The following HMCN1 variants were observed in gnomAD, a reference collection of about 807,000 sequenced individuals.
HMCN1 encodes hemicentin-1.
A neutral mutation model predicts 625.9 loss-of-function variants in HMCN1; 321 were observed. The observed-to-expected ratio is 0.51, with a 90% CI of 0.47 to 0.56. The LOEUF is 0.56. Ranked by LOEUF, HMCN1 falls within the 20% of genes least tolerant of loss-of-function variation. The pLI, the probability that HMCN1 is intolerant of heterozygous loss-of-function variation, is 0.00. For synonymous variants in HMCN1, 2,425 were observed against 2,417.6 expected, an observed-to-expected ratio of 1.00 and a Z score of -0.09; for missense variants, 6,588 against 6,887.3, an observed-to-expected ratio of 0.96 and a Z score of 1.54.
chr1:186,155,385 G>C (rs990384369), intron 97 of HMCN1, among the ~76,000 whole-genome samples: 1 of 152,054 alleles, frequency 6.6e-6, no homozygotes, highest in South Asian at 2.1e-4. Context: ...TTGAACAAAA[G>C]AAACGAGCTG....
Position 186,087,231 on chromosome 1 carries a change from C to T in HMCN1, c.9061C>T (p.Gln3021Ter). ...TLIVPGGRTL[Q>*]IIRAKVSDGG... ...TTTACCTACAGGTGGTCGAACTCTA[C>T]AGATTATTCGGGCCAAGGTATCAGA... Residue 3021 changes from glutamine (Q) to a stop codon, truncating the protein, a stop_gained, in exon 59 of 107, where the codon CAG (glutamine) becomes TAG (stop). Coordinates refer to ENST00000271588, the MANE Select transcript of HMCN1 (RefSeq NM_031935.3). LOFTEE classifies it high-confidence loss of function. 3.1e-6 allele frequency: 5 copies of T among 1,611,564 alleles called. No homozygotes were observed. The highest frequency in any genetic ancestry group is 4.2e-6 in the Non-Finnish European group (5 of 1,177,988).
chr1:186,057,168 G>T, intron 45 of HMCN1, 66 bp from the exon 46 acceptor site: 1 of 1,227,374 alleles, frequency 8.1e-7, no homozygotes. Flanking sequence ...TACAACATCA[G>T]GTATATCAAA....
At position 185,734,897 on chromosome 1, in the gene HMCN1, TCCA is replaced by T; in HGVS notation, c.120_122del (p.Thr41del). ...AGCTGAGGAAATTCCCGAGGGGGCC[TCCA>T]CGTTGGCTTTTGTGTTTGATGTGAC... On this transcript the variant is annotated inframe_deletion, in exon 1 of 107. Coordinates refer to ENST00000271588, the MANE Select transcript of HMCN1 (RefSeq NM_031935.3). 6.2e-7 allele frequency: 1 copy of T among 1,614,196 alleles called. No individual in the cohort carries two copies. The highest frequency in any genetic ancestry group is 8.5e-7 in the Non-Finnish European group (1 of 1,180,022).
intron 4 of HMCN1, among the ~76,000 whole-genome samples, chr1:185,898,919 A>G (rs1364133026): frequency 6.6e-6 from 1 of 151,996 alleles, no homozygotes; most frequent in East Asian, 1.9e-4. Context: ...GATGATTGCC[A>G]TTTGATTGGT....
rs1659802040 is a variant in HMCN1, at chr1:186,090,874, A to G, written c.9844A>G (p.Lys3282Glu). 6.2e-7 allele frequency: 1 copy of G among 1,612,328 alleles called. No individual in the cohort carries two copies. Among genetic ancestry groups the G allele is most frequent in the Admixed American group, 1.7e-5 (1 of 59,812 alleles). ...GIPTPLIQWL[K>E]DGKPIASGET... is the part of the protein sequence containing the mutation. ...TCCTACTCCACTTATTCAATGGCTT[A>G]AAGATGGAAAGCCCATAGCTAGTGG... is the stretch of plus-strand genomic sequence containing the variant. Residue 3282 changes from lysine to glutamate, a missense_variant, in exon 64 of 107, where the codon AAA becomes GAA. Transcript: ENST00000271588.
intron 102 of HMCN1, among the ~76,000 whole-genome samples, chr1:186,173,555 C>T (rs887647659): frequency 2.1e-5 from 3 of 145,730 alleles, no homozygotes; most frequent in South Asian, 4.3e-4. Flanking sequence ...GTGGGAGGAT[C>T]GTTTGAACCC....
intron 44 of HMCN1, 28 bp downstream of exon 44, chr1:186,054,014 C>G: frequency 6.2e-7 from 1 of 1,604,126 alleles, no homozygotes; most frequent in Non-Finnish European, 8.5e-7. Context: ...CAGGCTTTGG[C>G]AAAATGTTCT....
intron 1 of HMCN1, among the ~76,000 whole-genome samples, chr1:185,820,988 A>G (rs1217709732): frequency 6.6e-6 from 1 of 152,006 alleles, no homozygotes; most frequent in Non-Finnish European, 1.5e-5. Context: ...TAGAAATCAG[A>G]CACCTTTATT....
At chr1:186,015,464 T>A (rs1416230356) in intron 31 of HMCN1, 27 bp downstream of exon 31, 3 of 1,601,320 alleles carry the variant, frequency 1.9e-6, no homozygotes, top group Non-Finnish European at 2.6e-6. Context: ...GCTTTAATTA[T>A]ATACCTTTCT....
At chr1:185,910,193 A>AT (rs200028141) in intron 5 of HMCN1, among the ~76,000 whole-genome samples, 3,235 of 152,032 alleles carry the variant, frequency 0.021, 65 homozygotes, top group Middle Eastern at 0.097. Flanking sequence ...CTTTAGTTGC[A>AT]TTTTTTTCTC....
chr1:186,049,860 T>C lies in HMCN1; in HGVS notation c.6577+1021T>C, dbSNP rs575686505. 1.1e-4 allele frequency among the ~76,000 whole-genome samples: 16 copies of C among 152,028 alleles called. No individual in the cohort carries two copies. In the East Asian group the frequency reaches 3.1e-3, roughly 29 times the overall value. On this transcript the variant is annotated intron_variant, in intron 42 of 106. Transcript: ENST00000271588. The stretch of plus-strand genomic sequence containing the variant: ...ATAAATGAGTATCATCTTTTAAAAA[T>C]CCTTCAGGCAGGTTATGAGAAATGC...
intron 42 of HMCN1, among the ~76,000 whole-genome samples, chr1:186,051,228 G>T (rs1037815719): frequency 1.3e-5 from 2 of 151,998 alleles, no homozygotes; most frequent in Non-Finnish European, 2.9e-5. Flanking sequence ...AAGAAGGACC[G>T]GATGCTCAGG....
intron 1 of HMCN1, among the ~76,000 whole-genome samples, chr1:185,827,036 C>T (rs1001792901): frequency 4.0e-5 from 6 of 151,478 alleles, no homozygotes; most frequent in East Asian, 1.9e-4. Context: ...ATTGGCTGGG[C>T]GTGGTAGCGC....
At chr1:185,946,178 C>T (rs1668332984) in intron 11 of HMCN1, among the ~76,000 whole-genome samples, 1 of 152,128 alleles carries the variant, frequency 6.6e-6, no homozygotes, top group Non-Finnish European at 1.5e-5. Flanking sequence ...TGGTTGCTTC[C>T]CTGATAGATA....
rs1667321552 is a variant in HMCN1 at position 185,927,190 on chromosome 1, TTAAG to T, written c.1431-1353_1431-1350del. Among the ~76,000 whole-genome samples the T allele has an allele frequency of 3.3e-5, 5 of 152,202 alleles. No homozygotes were observed. The South Asian group carries it at 8.3e-4, about 25-fold the overall frequency. Reference sequence around the variant, plus strand: ...ATGAATTCTAATGTATGCTCAGCTTTTAAGTAGGCACTGAAGAAAACACCAAAGA... The same window carrying T: ...ATGAATTCTAATGTATGCTCAGCTTTTAGGCACTGAAGAAAACACCAAAGA... On this transcript the variant is annotated intron_variant, in intron 9 of 106. Transcript: ENST00000271588.
At chr1:185,885,903 T>A (rs1395543613) in intron 4 of HMCN1, among the ~76,000 whole-genome samples, 1 of 152,084 alleles carries the variant, frequency 6.6e-6, no homozygotes, top group Non-Finnish European at 1.5e-5. Context: ...AAGGAATGAT[T>A]CCATGGCATG....
At chr1:185,909,062 T>A (rs562467641) in intron 4 of HMCN1, among the ~76,000 whole-genome samples, 1 of 152,128 alleles carries the variant, frequency 6.6e-6, no homozygotes, top group Admixed American at 6.6e-5. Context: ...TCTGCATGTC[T>A]CCCCTCACTG....
rs1210083423 is a variant in HMCN1 at position 186,005,087 on chromosome 1, AT to A, written c.4475+1249del. On this transcript the variant is annotated intron_variant, in intron 29 of 106. Transcript: ENST00000271588. ...TTTTGTTTATAAATGTTTATAAATA[AT>A]TTTTTAATTGTTTAAATTGTTTATA... 2.0e-5 allele frequency among the ~76,000 whole-genome samples: 3 copies of A among 151,228 alleles called. No homozygotes were observed. In the South Asian group the frequency reaches 6.2e-4, roughly 31 times the overall value.
chr1:185,765,278 A>C (rs1487506386), intron 1 of HMCN1, among the ~76,000 whole-genome samples: 1 of 152,194 alleles, frequency 6.6e-6, no homozygotes, highest in Non-Finnish European at 1.5e-5. Context: ...AAAGTTACAA[A>C]GAGGTGATAC....
Sources: gnomAD v4.1 joint callset for allele counts (sites outside exome capture counted in the v4.1 genomes callset) on GRCh38, gnomAD v4.1.1 for gene constraint, MANE v1.5 for transcripts, NCBI Gene and HGNC (gene_info 2026-07-23, HGNC 2026-07-21) for gene names.